Variants in PTPRD observed in about 807,000 individuals in gnomAD.
PTPRD encodes receptor-type tyrosine-protein phosphatase delta.
PTPRD carries 34 observed loss-of-function variants against 214.5 expected under a neutral mutation model. The observed-to-expected ratio is 0.16, with a 90% CI of 0.12 to 0.21. The LOEUF (loss-of-function observed/expected upper bound fraction) is 0.21. Ranked by LOEUF, PTPRD falls within the 10% of genes least tolerant of loss-of-function variation. The pLI, the probability that PTPRD is intolerant of heterozygous loss-of-function variation, is 1.00. For missense variants in PTPRD, 2,545 were observed against 2,398.7 expected, an observed-to-expected ratio of 1.06 and a Z score of -1.27; for synonymous variants, 1,128 against 845.7, an observed-to-expected ratio of 1.33 and a Z score of -5.79.
intron 11 of PTPRD, among the ~76,000 whole-genome samples, chr9:8,952,665 G>A (rs2099109093): frequency 6.6e-6 from 1 of 151,780 alleles, no homozygotes; most frequent in African/African-American, 2.4e-5. Flanking sequence ...CAAGCAGGGG[G>A]CAGAGGTATC....
chr9:8,949,508 C>T (rs570315087), intron 11 of PTPRD, among the ~76,000 whole-genome samples: 6 of 13,562 alleles, frequency 4.4e-4, no homozygotes, highest in Non-Finnish European at 3.4e-3. Flanking sequence ...ATTTACATAA[C>T]GCCTTTGAAA....
At chr9:9,690,786 C>T (rs575337969) in intron 7 of PTPRD, among the ~76,000 whole-genome samples, 1 of 151,784 alleles carries the variant, frequency 6.6e-6, no homozygotes, top group South Asian at 2.1e-4. Context: ...AATGTGTGGA[C>T]TTATTTCTGG....
chr9:9,405,231 A>C (rs1391087439), intron 8 of PTPRD, among the ~76,000 whole-genome samples: 1 of 152,116 alleles, frequency 6.6e-6, no homozygotes, highest in Non-Finnish European at 1.5e-5. Context: ...CAACAAATTT[A>C]CAATGTAGTT....
chr9:10,184,987 T>C (rs2099322511), intron 3 of PTPRD, among the ~76,000 whole-genome samples: 1 of 152,184 alleles, frequency 6.6e-6, no homozygotes, highest in Non-Finnish European at 1.5e-5. Flanking sequence ...GCCACATTCA[T>C]AACCTTTTGT....
chr9:10,340,962 C>T lies in PTPRD; in HGVS notation c.-545+1G>A, dbSNP rs2096928809. The T allele has an allele frequency of 6.6e-6, 1 of 151,908 alleles. No individual in the cohort carries two copies. The highest frequency in any genetic ancestry group is 1.5e-5 in the Non-Finnish European group (1 of 67,888). The allele number at this position is 151,908 out of a possible 1,614,324, so 9.4% of individuals were successfully genotyped here. A position where few individuals can be genotyped will look rare whatever the true frequency, so the allele number is the denominator to read the frequency against. On this transcript the variant is annotated splice_donor_variant, in intron 3 of 45. Coordinates refer to ENST00000381196, the MANE Select transcript of PTPRD (RefSeq NM_002839.4). LOFTEE classifies it low-confidence loss of function (5UTR_SPLICE). ...ATTTCTAGTTCACAGATATTACTTACTAGTTGTGTGACTTTGAGACAGGTC... is the reference window on the plus strand; with the variant it reads ...ATTTCTAGTTCACAGATATTACTTATTAGTTGTGTGACTTTGAGACAGGTC...
At chr9:8,857,975 C>G (rs1482368184) in intron 11 of PTPRD, among the ~76,000 whole-genome samples, 2 of 147,816 alleles carry the variant, frequency 1.4e-5, no homozygotes, top group African/African-American at 5.0e-5. Flanking sequence ...CTTCCCGGGC[C>G]GTCCTCTTGG....
chr9:10,482,108 A>C (rs192793527), intron 2 of PTPRD, among the ~76,000 whole-genome samples: 2 of 152,268 alleles, frequency 1.3e-5, no homozygotes, highest in African/African-American at 2.4e-5. Flanking sequence ...GCGGTGGCTC[A>C]CGCCTGTAAT....
At chr9:9,440,937 G>A (rs2087428208) in intron 8 of PTPRD, among the ~76,000 whole-genome samples, 2 of 152,198 alleles carry the variant, frequency 1.3e-5, no homozygotes, top group African/African-American at 4.8e-5. Context: ...AAGGAAGTAT[G>A]ATGGGCAGAG....
At chr9:10,088,544 A>G (rs1477679129) in intron 3 of PTPRD, among the ~76,000 whole-genome samples, 3 of 151,758 alleles carry the variant, frequency 2.0e-5, no homozygotes, top group South Asian at 2.1e-4. Flanking sequence ...TTTTCTGTCT[A>G]TATGGAAGAA....
intron 2 of PTPRD, among the ~76,000 whole-genome samples, chr9:10,502,984 T>C (rs528623487): frequency 2.0e-5 from 3 of 152,160 alleles, no homozygotes; most frequent in East Asian, 3.9e-4. Flanking sequence ...CATCAACTTA[T>C]AAATTGTTTT....
intron 11 of PTPRD, among the ~76,000 whole-genome samples, chr9:8,960,084 C>T (rs1397554904): frequency 6.6e-6 from 1 of 151,960 alleles, no homozygotes; most frequent in Non-Finnish European, 1.5e-5. Context: ...CCTTTTAGTT[C>T]ATATTCCCTT....
At chr9:9,452,899 A>C (rs949604161) in intron 8 of PTPRD, among the ~76,000 whole-genome samples, 3 of 151,572 alleles carry the variant, frequency 2.0e-5, no homozygotes, top group Admixed American at 2.0e-4. Flanking sequence ...TCACAAAACA[A>C]GCACATTCTT....
chr9:8,520,060 C>G (rs1203444039), intron 20 of PTPRD, among the ~76,000 whole-genome samples: 1 of 152,086 alleles, frequency 6.6e-6, no homozygotes, highest in East Asian at 1.9e-4. Context: ...TGGCATTTTT[C>G]AAGGCTGTGT....
In PTPRD at chr9:8,436,596, T is replaced by C. The variant is rs2095360248; in HGVS notation, c.4082A>G (p.Tyr1361Cys). The C allele has an allele frequency of 1.2e-6, 2 of 1,608,676 alleles. No homozygotes were observed. The highest frequency in any genetic ancestry group is 1.7e-5 in the Admixed American group (1 of 60,004). ...AGAATAAACACAGTGAATTACCTCATATTCCTGGGAAAACTTCAAGTTGTC... is the reference window on the plus strand; with the variant it reads ...AGAATAAACACAGTGAATTACCTCACATTCCTGGGAAAACTTCAAGTTGTC... ...ANDNLKFSQE[Y>C]ESIDPGQQFT... The change falls in exon 35 of 46, where the codon TAT becomes TGT. Residue 1361 changes from tyrosine (Y) to cysteine (C), a missense_variant. Coordinates refer to ENST00000381196, the MANE Select transcript of PTPRD (RefSeq NM_002839.4).
intron 3 of PTPRD, among the ~76,000 whole-genome samples, chr9:10,128,387 G>C (rs2098835276): frequency 1.3e-5 from 2 of 152,086 alleles, no homozygotes; most frequent in African/African-American, 4.8e-5. Context: ...CATGCACACA[G>C]GGAGCACACC....
intron 7 of PTPRD, among the ~76,000 whole-genome samples, chr9:9,618,967 G>C (rs532583212): frequency 6.6e-6 from 1 of 152,266 alleles, no homozygotes; most frequent in East Asian, 1.9e-4. Flanking sequence ...AAGCAGAAGA[G>C]AGTAGAGTCC....
intron 5 of PTPRD, among the ~76,000 whole-genome samples, chr9:9,871,308 G>A (rs966059840): frequency 6.6e-6 from 1 of 152,180 alleles, no homozygotes; most frequent in Non-Finnish European, 1.5e-5. Context: ...GGTAGGTAAT[G>A]ACAATTGCAC....
At position 9,057,481 on chromosome 9, in the gene PTPRD, T is replaced by C. The variant is rs533752004; in HGVS notation, c.-142-38746A>G. On this transcript the variant is annotated intron_variant, in intron 10 of 45. Transcript: ENST00000381196. The stretch of plus-strand genomic sequence containing the variant: ...TGAAAACTATATGTTAAAATGGATT[T>C]AGATTCCACTATGACAAAAATGAAG... 3.3e-5 allele frequency among the ~76,000 whole-genome samples: 5 copies of C among 152,316 alleles called. No homozygotes were observed. The South Asian group carries it at 6.2e-4, about 19-fold the overall frequency.
intron 7 of PTPRD, among the ~76,000 whole-genome samples, chr9:9,696,499 G>T (rs377225645): frequency 8.5e-5 from 13 of 152,136 alleles, no homozygotes; most frequent in South Asian, 4.1e-4. Flanking sequence ...TGTGTGCATA[G>T]ATATTTGTAA....
Sources: allele counts gnomAD v4.1 joint callset (sites outside exome capture counted in the v4.1 genomes callset), GRCh38; gene constraint gnomAD v4.1.1; transcripts MANE v1.5; gene names NCBI Gene and HGNC (gene_info 2026-07-23, HGNC 2026-07-21).